The following CDKL5 variants were observed in gnomAD, a reference collection of about 807,000 sequenced individuals.
The protein encoded by CDKL5 is cyclin dependent kinase like 5.
In CDKL5, 8 loss-of-function variants were observed where a neutral mutation model predicts 61.7. That is an observed-to-expected ratio of 0.13 (90% confidence interval 0.08 to 0.23). The LOEUF (loss-of-function observed/expected upper bound fraction) is 0.23. Among genes scored for constraint, CDKL5 ranks in the 10% least tolerant of loss-of-function variants. CDKL5 has a pLI of 1.00. For synonymous variants in CDKL5, 275 were observed against 272.3 expected (o/e 1.01, Z -0.10); for missense variants, 440 against 734.5 (o/e 0.60, Z 4.63).
At chrX:18,646,166 T>C (rs1927766474) in intron 20 of CDKL5, 1 of 1,191,349 alleles carries the variant, frequency 8.4e-7, no homozygotes, top group East Asian at 3.0e-5. Context: ...TTTTTTTCCT[T>C]TCTGAGACAG....
chrX:18,497,916 C>T (rs745424101), intron 1 of CDKL5, among the ~76,000 whole-genome samples: 15 of 108,244 alleles, frequency 1.4e-4, no homozygotes, highest in Non-Finnish European at 2.9e-4. Flanking sequence ...CACCTAGGCT[C>T]AAGGAATCCT....
chrX:18,455,666 T>A lies in CDKL5; in HGVS notation c.-163+29971T>A, dbSNP rs1932125009. On this transcript the variant is annotated intron_variant, in intron 1 of 17. Transcript: ENST00000623535. The stretch of plus-strand genomic sequence containing the variant: ...CGCTTCTGTAATGCATTTTATACTT[T>A]TTAAAAATTCCATTTCCCATGAATA... 2.7e-5 allele frequency among the ~76,000 whole-genome samples: 3 copies of A among 112,989 alleles called. No homozygotes were observed. In the South Asian group the frequency reaches 1.1e-3, roughly 41 times the overall value.
chrX:18,431,759 C>T (rs887755488), intron 1 of CDKL5, among the ~76,000 whole-genome samples: 4 of 111,121 alleles, frequency 3.6e-5, no homozygotes, highest in Non-Finnish European at 7.5e-5. Context: ...CCATAAAACT[C>T]ACCTTTTTAG....
chrX:18,559,270 G>A (rs932764596), intron 3 of CDKL5, among the ~76,000 whole-genome samples: 3 of 111,913 alleles, frequency 2.7e-5, no homozygotes, highest in African/African-American at 9.7e-5. Context: ...GTGCAGTGGC[G>A]TGGTCTCGGC....
At chrX:18,652,533 G>A (rs1249550029) in intron 21 of CDKL5, among the ~76,000 whole-genome samples, 1 of 111,633 alleles carries the variant, frequency 9.0e-6, no homozygotes, top group Non-Finnish European at 1.9e-5. Flanking sequence ...GCCGAGCGCA[G>A]TGGTTGGCAC....
chrX:18,565,340 G>A (rs1009180380), intron 4 of CDKL5, among the ~76,000 whole-genome samples: 6 of 111,818 alleles, frequency 5.4e-5, no homozygotes, highest in Admixed American at 2.9e-4. Context: ...ATATGTAAAT[G>A]AAGCAAAAAT....
chrX:18,459,698 CT>C (rs756249968), intron 1 of CDKL5, among the ~76,000 whole-genome samples: 483 of 53,581 alleles, frequency 9.0e-3, no homozygotes, highest in African/African-American at 0.01. Context: ...AGCTTTCTTT[CT>C]TTTTTTTTTT....
intron 1 of CDKL5, among the ~76,000 whole-genome samples, chrX:18,435,442 C>A (rs1418264752): frequency 1.8e-5 from 2 of 111,867 alleles, no homozygotes; most frequent in Non-Finnish European, 3.8e-5. Flanking sequence ...ATAACCTGTC[C>A]TACATCCTGA....
At chrX:18,469,338 CAAAAAAAA>C (rs34096001) in intron 1 of CDKL5, among the ~76,000 whole-genome samples, 5 of 15,662 alleles carry the variant, frequency 3.2e-4, no homozygotes, top group Admixed American at 2.0e-3. Flanking sequence ...GACTCTGTCT[CAAAAAAAA>C]AAAAAAAAAA....
intron 1 of CDKL5, among the ~76,000 whole-genome samples, chrX:18,454,652 G>T (rs1386755852): frequency 9.3e-6 from 1 of 107,794 alleles, no homozygotes; most frequent in East Asian, 3.0e-4. Flanking sequence ...TGCCTCCCAG[G>T]TTCAAACGAT....
At chrX:18,442,200 T>G (rs968657313) in intron 1 of CDKL5, 1 of 111,200 alleles carries the variant, frequency 9.0e-6, no homozygotes, top group Non-Finnish European at 1.9e-5. Context: ...CTCAGGACTC[T>G]TTAGAGCTCT....
At chrX:18,518,388 A>T (rs7878112) in intron 3 of CDKL5, among the ~76,000 whole-genome samples, 1,474 of 20,988 alleles carry the variant, frequency 0.07, 71 homozygotes, top group African/African-American at 0.18. Context: ...TTCTTTTCTT[A>T]TTTTTTTTTT....
chrX:18,474,966 T>G (rs1157622374), intron 1 of CDKL5, among the ~76,000 whole-genome samples: 1 of 110,319 alleles, frequency 9.1e-6, no homozygotes, highest in Admixed American at 9.6e-5. Flanking sequence ...TTTTTTGGTT[T>G]TTTTTTTTTT....
intron 3 of CDKL5, among the ~76,000 whole-genome samples, chrX:18,532,338 A>G (rs1923676927): frequency 9.1e-6 from 1 of 110,122 alleles, no homozygotes; most frequent in South Asian, 3.8e-4. Flanking sequence ...AACTAGAATT[A>G]TTACACATTT....
rs193126508 is a variant in CDKL5 at position 18,458,766 on chromosome X, A to G, written c.-163+33071A>G. On this transcript the variant is annotated intron_variant, in intron 1 of 17. Transcript: ENST00000623535. ...AATAAAGGTTCAGTTCCTCAGTTGCACTGGCCACAGTTCAGATACCCAATA... is the reference window on the plus strand; with the variant it reads ...AATAAAGGTTCAGTTCCTCAGTTGCGCTGGCCACAGTTCAGATACCCAATA... 4.1e-3 allele frequency among the ~76,000 whole-genome samples: 460 copies of G among 112,401 alleles called. 2 individuals are homozygous for G. The highest frequency in any genetic ancestry group is 0.014 in the African/African-American group (447 of 31,025).
At chrX:18,600,485 T>C (rs946052624) in intron 11 of CDKL5, among the ~76,000 whole-genome samples, 3 of 112,261 alleles carry the variant, frequency 2.7e-5, no homozygotes, top group African/African-American at 9.7e-5. Flanking sequence ...TCTTAGCTCC[T>C]TTAGTTTACA....
At chrX:18,446,900 C>T (rs1931892634) in intron 1 of CDKL5, among the ~76,000 whole-genome samples, 1 of 112,163 alleles carries the variant, frequency 8.9e-6, no homozygotes, top group Admixed American at 9.5e-5. Context: ...TTGCCCTCTC[C>T]TCCTGTCTCA....
chrX:18,586,655 G>A (rs1268699005), intron 8 of CDKL5, among the ~76,000 whole-genome samples: 1 of 111,987 alleles, frequency 8.9e-6, no homozygotes, highest in Non-Finnish European at 1.9e-5. Context: ...CAGGTATTTG[G>A]TTATACATTA....
chrX:18,613,432 G>A (rs1285926263), intron 15 of CDKL5, among the ~76,000 whole-genome samples, 157 bp downstream of exon 15: 1 of 110,905 alleles, frequency 9.0e-6, no homozygotes, highest in East Asian at 2.8e-4. Context: ...TTTCATTATT[G>A]GTAACTTTTT....
Sources: gnomAD v4.1 joint callset for allele counts (sites outside exome capture counted in the v4.1 genomes callset) on GRCh38, gnomAD v4.1.1 for gene constraint, MANE v1.5 for transcripts, NCBI Gene and HGNC (gene_info 2026-07-23, HGNC 2026-07-21) for gene names.